The following PPFIA2 variants were observed in gnomAD, a reference collection of about 807,000 sequenced individuals.
The protein encoded by PPFIA2 is PPFI scaffold protein A2.
Under a neutral mutation model 175.5 loss-of-function variants are expected in PPFIA2, and 46 were observed. The observed-to-expected ratio is 0.26, with a 90% confidence interval of 0.21 to 0.34. The LOEUF is 0.34. Ranked by LOEUF, PPFIA2 falls within the 10% of genes least tolerant of loss-of-function variation. PPFIA2 has a pLI of 1.00. For missense variants in PPFIA2, 1,179 were observed against 1,506.1 expected, an observed-to-expected ratio of 0.78 and a Z score of 3.60; for synonymous variants, 568 against 511.4, an observed-to-expected ratio of 1.11 and a Z score of -1.49.
At chr12:81,449,041 T>A (rs1276322341) in intron 5 of PPFIA2, among the ~76,000 whole-genome samples, 1 of 152,228 alleles carries the variant, frequency 6.6e-6, no homozygotes, top group Non-Finnish European at 1.5e-5. Context: ...AATTTTCTGA[T>A]CCTCACTCTG....
At chr12:81,660,815 C>G (rs921790481) in intron 4 of PPFIA2, among the ~76,000 whole-genome samples, 4 of 152,176 alleles carry the variant, frequency 2.6e-5, no homozygotes, top group African/African-American at 9.7e-5. Context: ...GGGTTACCCA[C>G]AAAGGGAATC....
chr12:81,314,922 A>G (rs1487470343), intron 22 of PPFIA2, among the ~76,000 whole-genome samples: 2 of 151,822 alleles, frequency 1.3e-5, no homozygotes, highest in African/African-American at 4.8e-5. Flanking sequence ...ATGGGGGAAA[A>G]AAAAAGACAG....
At chr12:81,517,231 G>T (rs2062575265) in intron 4 of PPFIA2, among the ~76,000 whole-genome samples, 1 of 151,906 alleles carries the variant, frequency 6.6e-6, no homozygotes, top group South Asian at 2.1e-4. Flanking sequence ...CACTGGTAGG[G>T]ATGATTAAAT....
At chr12:81,668,033 T>C (rs2070689843) in intron 4 of PPFIA2, among the ~76,000 whole-genome samples, 1 of 152,040 alleles carries the variant, frequency 6.6e-6, no homozygotes, top group Non-Finnish European at 1.5e-5. Flanking sequence ...TTGGGACTCA[T>C]TAGAGGATTC....
chr12:81,368,657 C>T (rs987935612), intron 13 of PPFIA2, 68 bp downstream of exon 13: 4 of 1,443,010 alleles, frequency 2.8e-6, no homozygotes, highest in South Asian at 1.4e-5. Context: ...ACAATGATTG[C>T]AGCTGTATAT....
chr12:81,344,040 C>T (rs2058618053), intron 19 of PPFIA2, among the ~76,000 whole-genome samples: 1 of 152,084 alleles, frequency 6.6e-6, no homozygotes, highest in Non-Finnish European at 1.5e-5. Context: ...GCTGAGACAA[C>T]TAGAGAGAGT....
intron 4 of PPFIA2, among the ~76,000 whole-genome samples, chr12:81,626,092 T>C (rs1031931990): frequency 6.6e-6 from 1 of 151,794 alleles, no homozygotes; most frequent in African/African-American, 2.4e-5. Flanking sequence ...CTTTTCTAAA[T>C]TTGATTCATA....
intron 5 of PPFIA2, among the ~76,000 whole-genome samples, chr12:81,447,609 TC>T (rs1419509266): frequency 6.6e-6 from 1 of 152,186 alleles, no homozygotes; most frequent in African/African-American, 2.4e-5. Context: ...TTACTAATTT[TC>T]TTCAGAATAT....
intron 4 of PPFIA2, among the ~76,000 whole-genome samples, chr12:81,627,191 A>G (rs1338359736): frequency 6.6e-6 from 1 of 152,070 alleles, no homozygotes; most frequent in Non-Finnish European, 1.5e-5. Context: ...TATTTATAAT[A>G]GATAATAGGA....
chr12:81,536,991 G>A (rs190829426), intron 4 of PPFIA2, among the ~76,000 whole-genome samples: 41 of 151,144 alleles, frequency 2.7e-4, no homozygotes, highest in Non-Finnish European at 4.6e-4. Flanking sequence ...ATGGTTTTAC[G>A]TTAGTAAATA....
intron 3 of PPFIA2, among the ~76,000 whole-genome samples, chr12:81,724,481 T>C (rs569838164): frequency 1.3e-5 from 2 of 150,884 alleles, no homozygotes; most frequent in South Asian, 4.2e-4. Context: ...CCCCTCCCAC[T>C]CTCTCACCTT....
At chr12:81,406,305 A>G (rs999983524) in intron 7 of PPFIA2, among the ~76,000 whole-genome samples, 13 of 152,182 alleles carry the variant, frequency 8.5e-5, no homozygotes, top group South Asian at 8.3e-4. Context: ...AACATAAAAG[A>G]TTGAAGGTTA....
intron 4 of PPFIA2, among the ~76,000 whole-genome samples, chr12:81,459,807 T>A (rs1044995693): frequency 3.3e-5 from 5 of 152,084 alleles, no homozygotes; most frequent in Non-Finnish European, 5.9e-5. Flanking sequence ...CTAGCAACTT[T>A]CAGGCACTAC....
intron 20 of PPFIA2, among the ~76,000 whole-genome samples, chr12:81,340,169 T>C (rs2057811491): frequency 1.3e-5 from 2 of 152,088 alleles, no homozygotes; most frequent in South Asian, 4.1e-4. Flanking sequence ...ATATACTCTT[T>C]TTTGGAGAGT....
intron 21 of PPFIA2, among the ~76,000 whole-genome samples, chr12:81,330,332 T>G (rs1314218410): frequency 6.6e-6 from 1 of 152,198 alleles, no homozygotes; most frequent in Non-Finnish European, 1.5e-5. Context: ...CGCTTGTTAT[T>G]AATTTGAGTA....
intron 4 of PPFIA2, among the ~76,000 whole-genome samples, chr12:81,565,503 A>C (rs1311850819): frequency 6.6e-6 from 1 of 152,090 alleles, no homozygotes; most frequent in African/African-American, 2.4e-5. Context: ...CTACCTATCT[A>C]TCTGTCTATC....
chr12:81,755,151 C>G (rs1276353294), intron 2 of PPFIA2, among the ~76,000 whole-genome samples: 1 of 152,172 alleles, frequency 6.6e-6, no homozygotes, highest in Admixed American at 6.5e-5. Context: ...CACAAGTTCT[C>G]AGTCATGAAA....
rs529394969 is a variant in PPFIA2 at position 81,614,649 on chromosome 12, C to T, written c.303+62142G>A. Among the ~76,000 whole-genome samples the T allele has an allele frequency of 1.2e-3, 187 of 152,166 alleles. 1 individual carries two copies. The highest frequency in any genetic ancestry group is 3.4e-3 in the Middle Eastern group (1 of 294). On this transcript the variant is annotated intron_variant, in intron 4 of 32. Coordinates refer to ENST00000549396, the MANE Select transcript of PPFIA2 (RefSeq NM_003625.5). ...TTGCTAGCAAATACAGTATTTTCTC[C>T]TAAATTTTACTTTTTCCAAGAATTT...
At chr12:81,541,924 TGATTG>T (rs2066279421) in intron 4 of PPFIA2, among the ~76,000 whole-genome samples, 2 of 152,062 alleles carry the variant, frequency 1.3e-5, no homozygotes, top group Admixed American at 1.3e-4. Context: ...AAGACTAGAA[TGATTG>T]GTATATTACT....
Sources: allele counts gnomAD v4.1 joint callset (sites outside exome capture counted in the v4.1 genomes callset), GRCh38; gene constraint gnomAD v4.1.1; transcripts MANE v1.5; gene names NCBI Gene and HGNC (gene_info 2026-07-23, HGNC 2026-07-21).